Variants in CDC20B observed in about 807,000 individuals in gnomAD.
CDC20B encodes cell division cycle protein 20 homolog B.
Under a neutral mutation model 64.1 loss-of-function variants are expected in CDC20B, and 58 were observed. That is an observed-to-expected ratio of 0.90 (90% CI 0.73 to 1.13). CDC20B has a LOEUF of 1.13. CDC20B is among the 50% of genes most tolerant of loss of function. CDC20B has a pLI of 0.00. For synonymous variants in CDC20B, 243 were observed against 230.6 expected, an observed-to-expected ratio of 1.05 and a Z score of -0.49; for missense variants, 597 against 633.0, an observed-to-expected ratio of 0.94 and a Z score of 0.61.
At chr5:55,150,736 C>A (rs958254885) in intron 2 of CDC20B, among the ~76,000 whole-genome samples, 4 of 152,002 alleles carry the variant, frequency 2.6e-5, no homozygotes, top group African/African-American at 7.2e-5. Flanking sequence ...CCCACTCTGG[C>A]CTTCTTTTTT....
intron 8 of CDC20B, chr5:55,126,466 CAAAAAAAAA>C (rs34581363): frequency 9.1e-5 from 9 of 98,616 alleles, no homozygotes; most frequent in African/African-American, 1.2e-4. Flanking sequence ...GATTCCATGT[CAAAAAAAAA>C]AAAAAAAAAA....
At chr5:55,142,178 G>C (rs1398804053) in intron 4 of CDC20B, among the ~76,000 whole-genome samples, 2 of 152,144 alleles carry the variant, frequency 1.3e-5, no homozygotes, top group Admixed American at 1.3e-4. Flanking sequence ...GCTCCTGGAA[G>C]ATGAATTCTG....
In CDC20B at chr5:55,127,353, T is replaced by C; in HGVS notation, c.895-2A>G. The C allele has an allele frequency of 1.2e-6, 2 of 1,612,306 alleles. No individual in the cohort carries two copies. Among genetic ancestry groups the C allele is most frequent in the Non-Finnish European group, 1.7e-6 (2 of 1,178,536 alleles). On this transcript the variant is annotated splice_acceptor_variant, in intron 7 of 11. Coordinates refer to ENST00000381375, the MANE Select transcript of CDC20B (RefSeq NM_001170402.1). LOFTEE classifies it high-confidence loss of function. The stretch of plus-strand genomic sequence containing the variant: ...CTTTTTAGTTACCACATCCCATAAC[T>C]GAAAAAATGAACAAGGAGAGTTATG...
intron 7 of CDC20B, among the ~76,000 whole-genome samples, chr5:55,127,788 C>A (rs1239379281): frequency 6.6e-6 from 1 of 152,120 alleles, no homozygotes. Flanking sequence ...TCCCTTCCTG[C>A]GAGCTACAGA....
At chr5:55,153,574 A>G (rs1743732241) in intron 2 of CDC20B, among the ~76,000 whole-genome samples, 1 of 151,384 alleles carries the variant, frequency 6.6e-6, no homozygotes, top group South Asian at 2.1e-4. Flanking sequence ...GGCACAAGTC[A>G]GCAGATCCAC....
chr5:55,172,447 T>A (rs1580384781), intron 2 of CDC20B, 141 bp downstream of exon 2: 1 of 607,396 alleles, frequency 1.6e-6, no homozygotes, highest in Non-Finnish European at 2.9e-6. Context: ...CATAAAGAAA[T>A]TTTTTTTAGT....
At position 55,127,326 on chromosome 5, in the gene CDC20B, C is replaced by T. The variant is rs200952851; in HGVS notation, c.920G>A (p.Arg307Gln). 209 of 1,614,004 alleles carry T rather than the reference C, an allele frequency of 1.3e-4. 1 individual carries two copies. The highest frequency in any genetic ancestry group is 8.0e-4 in the Admixed American group (48 of 60,026). Residue 307 changes from arginine (R) to glutamine (Q), a missense_variant, in exon 8 of 12, where the codon CGG (arginine) becomes CAG (glutamine). Coordinates refer to ENST00000381375, the MANE Select transcript of CDC20B (RefSeq NM_001170402.1). Reference protein sequence around the residue: ...VQLWDVVTKKRLRNMLGHLSV... With the variant: ...VQLWDVVTKKQLRNMLGHLSV... ...CAAATGACCAAGCATATTTCTCAGC[C>T]GCTTTTTAGTTACCACATCCCATAA...
At chr5:55,156,083 G>A (rs1372195869) in intron 2 of CDC20B, among the ~76,000 whole-genome samples, 1 of 152,196 alleles carries the variant, frequency 6.6e-6, no homozygotes, top group Non-Finnish European at 1.5e-5. Flanking sequence ...CACAATCATG[G>A]CAGAAGGTGA....
chr5:55,145,866 T>C (rs1230344338), intron 3 of CDC20B, among the ~76,000 whole-genome samples: 1 of 151,446 alleles, frequency 6.6e-6, no homozygotes, highest in East Asian at 1.9e-4. Context: ...CTCCTGCTTC[T>C]GTCTTTTTCT....
intron 2 of CDC20B, among the ~76,000 whole-genome samples, chr5:55,157,992 G>A (rs950291700): frequency 2.1e-4 from 32 of 152,100 alleles, no homozygotes; most frequent in African/African-American, 7.0e-4. Flanking sequence ...AAAATATCTC[G>A]TGTATTCATA....
intron 2 of CDC20B, among the ~76,000 whole-genome samples, chr5:55,171,281 C>G (rs1744590469): frequency 3.3e-5 from 5 of 152,144 alleles, no homozygotes; most frequent in Admixed American, 2.0e-4. Context: ...CCACTGCACT[C>G]CAACCTGGGC....
In CDC20B at chr5:55,113,894, G is replaced by A. The variant is rs957433000; in HGVS notation, c.*324C>T. ...TTGGAGCTGGGGAGAAAAGTCATACGGGAAAGAAGTAGAAATCTTTGCTAT... is the reference window on the plus strand; with the variant it reads ...TTGGAGCTGGGGAGAAAAGTCATACAGGAAAGAAGTAGAAATCTTTGCTAT... On this transcript the variant is annotated 3_prime_UTR_variant, in exon 12 of 12. Coordinates refer to ENST00000381375, the MANE Select transcript of CDC20B (RefSeq NM_001170402.1). 3.9e-5 allele frequency: 8 copies of A among 203,700 alleles called. No homozygotes were observed. The highest frequency in any genetic ancestry group is 1.2e-4 in the South Asian group (1 of 8,592). 12.6% of individuals were successfully genotyped at this position (203,700 alleles called of 1,614,324 possible).
Position 55,137,640 on chromosome 5 carries a change from T to C in CDC20B, c.580+2674A>G, listed in dbSNP as rs1445899331. The C allele has an allele frequency of 3.1e-5, 14 of 456,562 alleles. No homozygotes were observed. The East Asian group carries it at 9.0e-4, about 29-fold the overall frequency. The allele number at this position is 456,562 out of a possible 1,614,324, so 28.3% of individuals were successfully genotyped here. A position where few individuals can be genotyped will look rare whatever the true frequency, so the allele number is the denominator to read the frequency against. On this transcript the variant is annotated intron_variant, in intron 5 of 11. Coordinates refer to ENST00000381375, the MANE Select transcript of CDC20B (RefSeq NM_001170402.1). ...TTCATGCTGCCACTAAAGTGATCTATGGGAAGGGGAGAGACATAGGTAAGT... is the reference window on the plus strand; with the variant it reads ...TTCATGCTGCCACTAAAGTGATCTACGGGAAGGGGAGAGACATAGGTAAGT...
At chr5:55,119,461 G>A (rs1289548976) in intron 11 of CDC20B, among the ~76,000 whole-genome samples, 1 of 152,006 alleles carries the variant, frequency 6.6e-6, no homozygotes, top group African/African-American at 2.4e-5. Context: ...CTTTCAGATC[G>A]CTTTATCTTC....
intron 7 of CDC20B, among the ~76,000 whole-genome samples, 167 bp from the exon 8 acceptor site, chr5:55,127,518 G>C (rs192617449): frequency 1.8e-4 from 27 of 152,336 alleles, no homozygotes; most frequent in African/African-American, 5.3e-4. Context: ...ATTAGGATCA[G>C]CTGGGGAGTC....
chr5:55,122,795 C>T (rs145770739), intron 9 of CDC20B, among the ~76,000 whole-genome samples: 2 of 152,292 alleles, frequency 1.3e-5, no homozygotes, highest in Non-Finnish European at 2.9e-5. Flanking sequence ...TCTGGAATTA[C>T]AAGAAGGAGC....
intron 5 of CDC20B, chr5:55,136,130 T>C (rs1743164166): frequency 6.6e-6 from 1 of 152,044 alleles, no homozygotes; most frequent in African/African-American, 2.4e-5. Flanking sequence ...GTATTTTTAG[T>C]AGAGACAGGG....
At chr5:55,172,917 G>T (rs964501094) in intron 1 of CDC20B, 21 bp downstream of exon 1, 17 of 1,585,852 alleles carry the variant, frequency 1.1e-5, no homozygotes, top group Non-Finnish European at 1.2e-5. Context: ...TAGGGAGAAT[G>T]CAGAAAAGGG....
Position 55,114,000 on chromosome 5 carries a change from G to A in CDC20B, c.*218C>T, listed in dbSNP as rs1390801744. The A allele has an allele frequency of 2.8e-6, 2 of 702,304 alleles. No individual in the cohort carries two copies. Among genetic ancestry groups the A allele is most frequent in the African/African-American group, 1.8e-5 (1 of 55,142 alleles). 43.5% of individuals were successfully genotyped at this position (702,304 alleles called of 1,614,324 possible). On this transcript the variant is annotated 3_prime_UTR_variant, in exon 12 of 12. Coordinates refer to ENST00000381375, the MANE Select transcript of CDC20B (RefSeq NM_001170402.1). ...GGAGGAAGAAGAGGAGGGGGAGGAA[G>A]AGGGGCAGAAAGAAGAAAGCAGAGA...
Sources: allele counts gnomAD v4.1 joint callset (sites outside exome capture counted in the v4.1 genomes callset), GRCh38; gene constraint gnomAD v4.1.1; transcripts MANE v1.5; gene names NCBI Gene and HGNC (gene_info 2026-07-23, HGNC 2026-07-21).